Variants in SYT1 observed in about 807,000 individuals in gnomAD.
SYT1 encodes synaptotagmin-1.
In SYT1, 8 loss-of-function variants were observed where a neutral mutation model predicts 44.8. The observed-to-expected ratio is 0.18, with a 90% CI of 0.10 to 0.32. SYT1 has a LOEUF of 0.32. Among genes scored for constraint, SYT1 ranks in the 10% least tolerant of loss-of-function variants. SYT1 has a pLI of 1.00. For synonymous variants in SYT1, 154 were observed against 188.8 expected (o/e 0.82, Z 1.51); for missense variants, 286 against 509.3 (o/e 0.56, Z 4.22).
At chr12:79,436,299 A>T (rs1870086849) in intron 9 of SYT1, among the ~76,000 whole-genome samples, 1 of 152,178 alleles carries the variant, frequency 6.6e-6, no homozygotes, top group Non-Finnish European at 1.5e-5. Flanking sequence ...AGTGAACATT[A>T]TCCAAAGAAA....
intron 3 of SYT1, among the ~76,000 whole-genome samples, chr12:79,091,802 T>A (rs1877794594): frequency 1.3e-5 from 2 of 151,944 alleles, no homozygotes; most frequent in Admixed American, 1.3e-4. Context: ...TAAGTCATAA[T>A]TTTTCTCTCT....
chr12:79,396,173 C>T (rs1341929021), intron 9 of SYT1, among the ~76,000 whole-genome samples: 2 of 152,060 alleles, frequency 1.3e-5, no homozygotes, highest in Non-Finnish European at 2.9e-5. Flanking sequence ...AATGGAGTTC[C>T]AGGTGAGAAC....
chr12:79,152,107 A>C (rs1398278230), intron 3 of SYT1, among the ~76,000 whole-genome samples: 1 of 152,194 alleles, frequency 6.6e-6, no homozygotes, highest in Non-Finnish European at 1.5e-5. Context: ...CAACTGTGAC[A>C]GATACTACTA....
chr12:78,979,980 CGTGA>C (rs1156853403), intron 2 of SYT1, among the ~76,000 whole-genome samples: 3 of 151,876 alleles, frequency 2.0e-5, no homozygotes, highest in South Asian at 2.1e-4. Flanking sequence ...AAATGAATTA[CGTGA>C]GTGTCTTACT....
chr12:78,904,809 A>G (rs1426868045), intron 1 of SYT1, among the ~76,000 whole-genome samples: 2 of 152,160 alleles, frequency 1.3e-5, no homozygotes, highest in African/African-American at 4.8e-5. Flanking sequence ...CAAATTATAT[A>G]TATAATTGTC....
chr12:78,967,882 A>C (rs1399033175), intron 1 of SYT1, among the ~76,000 whole-genome samples: 1 of 152,156 alleles, frequency 6.6e-6, no homozygotes, highest in Non-Finnish European at 1.5e-5. Flanking sequence ...GAAAAAACAA[A>C]ATGTGTGTGC....
chr12:78,991,350 T>C (rs915104061), intron 2 of SYT1, among the ~76,000 whole-genome samples: 62 of 152,114 alleles, frequency 4.1e-4, no homozygotes, highest in Non-Finnish European at 7.5e-4. Flanking sequence ...CTCAAATCTT[T>C]ATATTTTATA....
chr12:79,096,182 C>A (rs1217804623), intron 3 of SYT1, among the ~76,000 whole-genome samples: 1 of 151,900 alleles, frequency 6.6e-6, no homozygotes, highest in Non-Finnish European at 1.5e-5. Flanking sequence ...TTCTTTAATT[C>A]CCTTTTCCTG....
At chr12:79,191,890 A>T (rs1197387407) in intron 3 of SYT1, among the ~76,000 whole-genome samples, 4 of 152,148 alleles carry the variant, frequency 2.6e-5, no homozygotes, top group Admixed American at 2.6e-4. Context: ...TACAGAGATC[A>T]GTAGCCATAA....
intron 3 of SYT1, among the ~76,000 whole-genome samples, chr12:79,162,319 A>G (rs1870996048): frequency 6.6e-6 from 1 of 152,138 alleles, no homozygotes; most frequent in Non-Finnish European, 1.5e-5. Flanking sequence ...CATTATTTTA[A>G]ATACTATGCA....
chr12:79,098,707 C>T (rs772775667), intron 3 of SYT1, among the ~76,000 whole-genome samples: 11 of 152,150 alleles, frequency 7.2e-5, no homozygotes, highest in Non-Finnish European at 1.5e-4. Flanking sequence ...ATGTTGTACC[C>T]TGCTGTGGTA....
chr12:79,311,419 G>A (rs1447168579), intron 8 of SYT1, among the ~76,000 whole-genome samples: 2 of 141,442 alleles, frequency 1.4e-5, no homozygotes, highest in African/African-American at 2.7e-5. Flanking sequence ...CACTGTTGGT[G>A]GGACTGTAAA....
At chr12:79,416,256 A>G (rs955979884) in intron 9 of SYT1, among the ~76,000 whole-genome samples, 2 of 152,338 alleles carry the variant, frequency 1.3e-5, no homozygotes, top group Admixed American at 1.3e-4. Flanking sequence ...TCACAGTCAC[A>G]TGATCACAGT....
chr12:78,973,938 A>AAAT (rs1868607158), intron 1 of SYT1, among the ~76,000 whole-genome samples: 6 of 25,322 alleles, frequency 2.4e-4, no homozygotes, highest in Non-Finnish European at 3.2e-4. Flanking sequence ...AAAAAAAAAA[A>AAAT]ATATATATAT....
intron 4 of SYT1, 64 bp from the exon 5 acceptor site, chr12:79,285,723 T>G: frequency 5.3e-5 from 66 of 1,248,982 alleles, no homozygotes; most frequent in Non-Finnish European, 7.0e-5. Flanking sequence ...TTATAGCCCA[T>G]GAGTTAAAAG....
chr12:79,296,585 A>G (rs1401479705), intron 7 of SYT1, among the ~76,000 whole-genome samples: 1 of 152,224 alleles, frequency 6.6e-6, no homozygotes, highest in Non-Finnish European at 1.5e-5. Flanking sequence ...TACATCTGTT[A>G]CAATCCCAGG....
intron 3 of SYT1, among the ~76,000 whole-genome samples, chr12:79,059,867 A>G (rs61929018): frequency 0.047 from 7,126 of 152,202 alleles, 210 homozygotes; most frequent in Admixed American, 0.082. Context: ...TTTCATATCT[A>G]TATTTCATAA....
At chr12:79,298,760 C>CA (rs751252077) in intron 7 of SYT1, among the ~76,000 whole-genome samples, 37 of 152,256 alleles carry the variant, frequency 2.4e-4, no homozygotes, top group Middle Eastern at 3.4e-3. Flanking sequence ...GAATGAACTT[C>CA]AAAACCCATA....
Position 79,349,039 on chromosome 12 carries a change from A to AAGAAAGAAAGAAAG in SYT1, c.811-4461_811-4448dup, listed in dbSNP as rs1555219964. On this transcript the variant is annotated intron_variant, in intron 8 of 10. Transcript: ENST00000261205. ...AGAAAGAAAGAAAGAAAGAAAAAGA[A>AAGAAAGAAAGAAAG]AGAAAGAAAGAAAGAAAGGAGGGAG... Among the ~76,000 whole-genome samples, 746 of 140,068 alleles carry AAGAAAGAAAGAAAG rather than the reference A, an allele frequency of 5.3e-3. 5 individuals are homozygous for AAGAAAGAAAGAAAG. Among genetic ancestry groups the AAGAAAGAAAGAAAG allele is most frequent in the East Asian group, 0.023 (109 of 4,738 alleles). The allele number at this position is 140,068 out of a possible 152,430, so 91.9% of individuals were successfully genotyped here. A position where few individuals can be genotyped will look rare whatever the true frequency, so the allele number is the denominator to read the frequency against.
Sources: gnomAD v4.1 joint callset for allele counts (sites outside exome capture counted in the v4.1 genomes callset) on GRCh38, gnomAD v4.1.1 for gene constraint, MANE v1.5 for transcripts, NCBI Gene and HGNC (gene_info 2026-07-23, HGNC 2026-07-21) for gene names.